Variants in CTNND1 observed in about 807,000 individuals in gnomAD.
The protein encoded by CTNND1 is catenin delta-1.
Under a neutral mutation model 112.1 loss-of-function variants are expected in CTNND1, and 16 were observed. The observed-to-expected ratio is 0.14, with a 90% confidence interval of 0.10 to 0.22. The LOEUF (loss-of-function observed/expected upper bound fraction) is 0.22, where lower values mean the gene tolerates loss of function less well. Ranked by LOEUF, CTNND1 falls within the 10% of genes least tolerant of loss-of-function variation. CTNND1 has a pLI of 1.00. For synonymous variants in CTNND1, 420 were observed against 446.5 expected (o/e 0.94, Z 0.75); for missense variants, 1,008 against 1,257.0 (o/e 0.80, Z 3.00).
At chr11:57,767,062 C>G (rs1232818247) in intron 1 of CTNND1, among the ~76,000 whole-genome samples, 1 of 151,872 alleles carries the variant, frequency 6.6e-6, no homozygotes, top group East Asian at 1.9e-4. Flanking sequence ...ACCTCCGCCT[C>G]CCGGTTTCAA....
chr11:57,807,204 G>C (rs1485549455), intron 12 of CTNND1, among the ~76,000 whole-genome samples: 1 of 152,204 alleles, frequency 6.6e-6, no homozygotes, highest in Non-Finnish European at 1.5e-5. Flanking sequence ...CTTGAGGATA[G>C]AATAAGGTCC....
In CTNND1 at chr11:57,818,660, G is replaced by C. The variant is rs2064099982; in HGVS notation, c.*2352G>C. On this transcript the variant is annotated 3_prime_UTR_variant, in exon 21 of 21. Coordinates refer to ENST00000399050, the MANE Select transcript of CTNND1 (RefSeq NM_001085458.2). ...TTTCTTCTGAAGATTCTTAAAAATTGAATGTGGCTGAAGTTGAACATGGGA... is the reference window on the plus strand; with the variant it reads ...TTTCTTCTGAAGATTCTTAAAAATTCAATGTGGCTGAAGTTGAACATGGGA... The C allele has an allele frequency of 6.6e-6, 1 of 152,182 alleles. No individual in the cohort carries two copies. The highest frequency in any genetic ancestry group is 6.5e-5 in the Admixed American group (1 of 15,268). 9.4% of individuals were successfully genotyped at this position (152,182 alleles called of 1,614,324 possible). A position where few individuals can be genotyped will look rare whatever the true frequency, so the allele number is the denominator to read the frequency against.
chr11:57,799,071 G>C (rs1565345548), intron 6 of CTNND1, among the ~76,000 whole-genome samples: 1 of 152,170 alleles, frequency 6.6e-6, no homozygotes, highest in African/African-American at 2.4e-5. Flanking sequence ...CATATATTAG[G>C]TAGCTTTGGT....
intron 12 of CTNND1, 150 bp from the exon 13 acceptor site, chr11:57,808,015 G>T (rs1019058495): frequency 4.1e-6 from 3 of 730,892 alleles, no homozygotes; most frequent in Non-Finnish European, 6.3e-6. Flanking sequence ...CTCTAAGTTT[G>T]CTGTAGAGAG....
intron 6 of CTNND1, among the ~76,000 whole-genome samples, chr11:57,798,911 A>G (rs1023164509): frequency 1.2e-4 from 18 of 152,200 alleles, no homozygotes; most frequent in African/African-American, 4.3e-4. Context: ...AATAAATTAG[A>G]AACAGTGTTT....
intron 1 of CTNND1, among the ~76,000 whole-genome samples, chr11:57,769,923 C>CA (rs35954185): frequency 1.0e-4 from 15 of 148,688 alleles, no homozygotes; most frequent in African/African-American, 1.5e-4. Flanking sequence ...GACAGTTGAG[C>CA]AAAAAAAAAA....
intron 1 of CTNND1, among the ~76,000 whole-genome samples, chr11:57,769,140 C>G (rs939997590): frequency 2.0e-5 from 3 of 150,510 alleles, no homozygotes; most frequent in Non-Finnish European, 4.4e-5. Context: ...AAACCTGTCT[C>G]TACTAAAGAT....
rs1383426785 is a variant in CTNND1 at position 57,791,419 on chromosome 11, T to A, written c.-60T>A. 3 of 1,392,056 alleles carry A rather than the reference T, an allele frequency of 2.2e-6. No homozygotes were observed. The African/African-American group carries it at 4.5e-5, about 21-fold the overall frequency. The allele number at this position is 1,392,056 out of a possible 1,614,324, so 86.2% of individuals were successfully genotyped here. On this transcript the variant is annotated 5_prime_UTR_variant, in exon 3 of 21. Transcript: ENST00000399050. Reference sequence around the variant, plus strand: ...AGGGGGTCTCTCTCCCTCCTTCTCCTTCCTCTGTGATTCACCTTCCTTTTT... The same window carrying A: ...AGGGGGTCTCTCTCCCTCCTTCTCCATCCTCTGTGATTCACCTTCCTTTTT...
At chr11:57,803,571 A>T in intron 7 of CTNND1, 50 bp from the exon 8 acceptor site, 1 of 1,436,680 alleles carries the variant, frequency 7.0e-7, no homozygotes, top group South Asian at 1.3e-5. Flanking sequence ...CGTTCTTCAG[A>T]CATATTGTCT....
chr11:57,808,886 A>G (rs1565371194), intron 14 of CTNND1, among the ~76,000 whole-genome samples: 2 of 152,236 alleles, frequency 1.3e-5, no homozygotes, highest in African/African-American at 4.8e-5. Context: ...GAAGTTAAGT[A>G]AATTGCCCAG....
chr11:57,783,023 C>T (rs1268986994), intron 1 of CTNND1, among the ~76,000 whole-genome samples: 1 of 152,194 alleles, frequency 6.6e-6, no homozygotes, highest in Non-Finnish European at 1.5e-5. Flanking sequence ...TGGTGGCTCA[C>T]GCCTGTAATC....
chr11:57,810,817 C>T (rs1248952143), intron 16 of CTNND1, among the ~76,000 whole-genome samples: 5 of 151,620 alleles, frequency 3.3e-5, no homozygotes, highest in Non-Finnish European at 7.4e-5. Flanking sequence ...AGTAGCCAGG[C>T]GTGGTGTTGT....
intron 1 of CTNND1, among the ~76,000 whole-genome samples, chr11:57,764,516 T>G (rs1950619562): frequency 6.6e-6 from 1 of 152,054 alleles, no homozygotes; most frequent in African/African-American, 2.4e-5. Context: ...GTATAATTTA[T>G]CTCCTTCTAT....
intron 3 of CTNND1, among the ~76,000 whole-genome samples, chr11:57,792,428 CGTGTGTGCGCGCGCACTCGCGCATGTGT>C (rs895161534): frequency 2.6e-5 from 4 of 152,020 alleles, no homozygotes; most frequent in African/African-American, 7.2e-5. Flanking sequence ...TGTGTGTGTG[CGTGTGTGCGCGCGCACTCGCGCATGTGT>C]GTGTGTGGTA....
Position 57,815,935 on chromosome 11 carries a change from T to C in CTNND1, c.2829T>C (p.Ser943=), listed in dbSNP as rs759807638. The C allele has an allele frequency of 6.2e-7, 1 of 1,608,026 alleles. No individual in the cohort carries two copies. The highest frequency in any genetic ancestry group is 1.7e-5 in the Admixed American group (1 of 57,996). ...TPLMQDEGQE[S]LEEELDVLVL... Reference sequence around the variant, plus strand: ...CACAGCAGGACGAGGGGCAGGAATCTCTGGAGGAAGAGTTGGATGTGTTGG... The same window carrying C: ...CACAGCAGGACGAGGGGCAGGAATCCCTGGAGGAAGAGTTGGATGTGTTGG... The change falls in exon 20 of 21, where the codon TCT becomes TCC. Residue 943 remains serine, a synonymous_variant. Transcript: ENST00000399050.
In CTNND1 at chr11:57,816,504, C is replaced by T; in HGVS notation, c.*196C>T. 1.6e-6 allele frequency: 1 copy of T among 619,884 alleles called. No individual in the cohort carries two copies. Among genetic ancestry groups the T allele is most frequent in the East Asian group, 2.8e-5 (1 of 36,122 alleles). 38.4% of individuals were successfully genotyped at this position (619,884 alleles called of 1,614,324 possible). A position where few individuals can be genotyped will look rare whatever the true frequency, so the allele number is the denominator to read the frequency against. On this transcript the variant is annotated 3_prime_UTR_variant, in exon 21 of 21. Coordinates refer to ENST00000399050, the MANE Select transcript of CTNND1 (RefSeq NM_001085458.2). The stretch of plus-strand genomic sequence containing the variant: ...CTGTGAAGTTTAATTGTCTCAACGC[C>T]TCCCCCTCCCCCATTCCCTCCATTT...
chr11:57,802,645 T>G (rs2062128991), intron 7 of CTNND1, among the ~76,000 whole-genome samples: 1 of 152,252 alleles, frequency 6.6e-6, no homozygotes, highest in Non-Finnish European at 1.5e-5. Flanking sequence ...TTAATTATCT[T>G]CCTCTCTTGA....
At chr11:57,767,882 A>G (rs555509935) in intron 1 of CTNND1, among the ~76,000 whole-genome samples, 1 of 145,300 alleles carries the variant, frequency 6.9e-6, no homozygotes, top group African/African-American at 2.5e-5. Context: ...CTCCCAGGCT[A>G]GAGTGTAGTA....
intron 1 of CTNND1, among the ~76,000 whole-genome samples, chr11:57,780,056 C>CT (rs147896503): frequency 5.0e-4 from 16 of 31,822 alleles, no homozygotes; most frequent in African/African-American, 1.1e-3. Context: ...ACTAGAATGA[C>CT]TTTTTTTTTT....
Sources: gnomAD v4.1 joint callset for allele counts (sites outside exome capture counted in the v4.1 genomes callset) on GRCh38, gnomAD v4.1.1 for gene constraint, MANE v1.5 for transcripts, NCBI Gene and HGNC (gene_info 2026-07-23, HGNC 2026-07-21) for gene names.